The following ABCA6 variants were observed in gnomAD, a reference collection of about 807,000 sequenced individuals.
ABCA6 encodes the protein ATP-binding cassette sub-family A member 6.
In ABCA6, 164 loss-of-function variants were observed where a neutral mutation model predicts 191.2. The observed-to-expected ratio is 0.86, with a 90% confidence interval of 0.76 to 0.98. The LOEUF (loss-of-function observed/expected upper bound fraction) is 0.98, where lower values mean the gene tolerates loss of function less well. ABCA6 is among the 50% of genes least tolerant of loss of function. The probability of loss-of-function intolerance (pLI) is 0.00; values close to 1 mark genes in which losing one functional copy is unlikely to be tolerated. For synonymous variants in ABCA6, 636 were observed against 647.7 expected (o/e 0.98, Z 0.27); for missense variants, 1,958 against 1,894.1 (o/e 1.03, Z -0.63).
chr17:69,130,370 C>T (rs1376657863), intron 6 of ABCA6, among the ~76,000 whole-genome samples: 1 of 151,640 alleles, frequency 6.6e-6, no homozygotes, highest in Non-Finnish European at 1.5e-5. Flanking sequence ...CACAGCTGGG[C>T]CATTGTGCCT....
intron 7 of ABCA6, 24 bp from the exon 8 acceptor site, chr17:69,128,828 G>A: frequency 6.5e-7 from 1 of 1,532,090 alleles, no homozygotes; most frequent in Non-Finnish European, 8.8e-7. Context: ...AAGACATTCA[G>A]CTGTTATAAA....
chr17:69,138,018 G>A (rs1265017157), intron 2 of ABCA6, among the ~76,000 whole-genome samples: 1 of 152,162 alleles, frequency 6.6e-6, no homozygotes, highest in Non-Finnish European at 1.5e-5. Context: ...GAAATTAAGT[G>A]GAACCGAATG....
chr17:69,110,648 A>G, intron 17 of ABCA6, 153 bp downstream of exon 17: 1 of 834,792 alleles, frequency 1.2e-6, no homozygotes, highest in Non-Finnish European at 1.8e-6. Context: ...TACCCAATAA[A>G]TCAGTGGCAC....
intron 22 of ABCA6, chr17:69,099,803 A>G (rs1351380127): frequency 6.5e-6 from 1 of 152,898 alleles, no homozygotes; most frequent in African/African-American, 2.4e-5. Flanking sequence ...GAACATCTCA[A>G]GTACTGTATA....
chr17:69,109,857 A>G (rs2073386429), intron 17 of ABCA6: 1 of 152,170 alleles, frequency 6.6e-6, no homozygotes, highest in Non-Finnish European at 1.5e-5. Flanking sequence ...GATGCTGGCA[A>G]TTTGGATATG....
At position 69,090,181 on chromosome 17, in the gene ABCA6, T is replaced by A. The variant is rs116971073; in HGVS notation, c.3529-639A>T. Among the ~76,000 whole-genome samples, 1,202 of 152,326 alleles carry A rather than the reference T, an allele frequency of 7.9e-3. 8 individuals are homozygous for A. The highest frequency in any genetic ancestry group is 0.013 in the Non-Finnish European group (857 of 68,016). Reference sequence around the variant, plus strand: ...TCAGGCATTGCTCAGCCAATGGAGATGTATTTTTGCAAATGGAAGGCTTTT... The same window carrying A: ...TCAGGCATTGCTCAGCCAATGGAGAAGTATTTTTGCAAATGGAAGGCTTTT... On this transcript the variant is annotated intron_variant, in intron 26 of 38. Transcript: ENST00000284425.
At chr17:69,081,031 C>T in intron 37 of ABCA6, 35 bp downstream of exon 37, 2 of 1,312,948 alleles carry the variant, frequency 1.5e-6, no homozygotes, top group Non-Finnish European at 2.1e-6. Flanking sequence ...TTAGTTGATT[C>T]TTCAAAAGAT....
chr17:69,115,031 A>G, intron 12 of ABCA6, 94 bp from the exon 13 acceptor site: 2 of 949,456 alleles, frequency 2.1e-6, no homozygotes, highest in Non-Finnish European at 3.1e-6. Flanking sequence ...TATGTTCACA[A>G]ATGTCTAAAA....
At chr17:69,098,077 CAAAT>C (rs1284968975) in intron 22 of ABCA6, 50 bp from the exon 23 acceptor site, 1 of 1,353,212 alleles carries the variant, frequency 7.4e-7, no homozygotes, top group Non-Finnish European at 1.0e-6. Context: ...TTAAATGAAA[CAAAT>C]AATTATAGCC....
intron 22 of ABCA6, 22 bp from the exon 23 acceptor site, chr17:69,098,049 T>A (rs745342501): frequency 4.7e-6 from 7 of 1,489,514 alleles, no homozygotes; most frequent in Non-Finnish European, 5.5e-6. Context: ...AAGGGTAGCT[T>A]AAACTAGTGA....
chr17:69,106,767 T>A (rs974183139), intron 18 of ABCA6, among the ~76,000 whole-genome samples: 19 of 152,122 alleles, frequency 1.2e-4, no homozygotes, highest in African/African-American at 4.6e-4. Flanking sequence ...ATTAAAATTT[T>A]AAATAAAACA....
rs527439517 is a variant in ABCA6 at position 69,087,204 on chromosome 17, T to C, written c.3819+149A>G. 33 of 939,820 alleles carry C rather than the reference T, an allele frequency of 3.5e-5. No homozygotes were observed. The South Asian group carries it at 4.3e-4, about 12-fold the overall frequency. 58.2% of individuals were successfully genotyped at this position (939,820 alleles called of 1,614,324 possible). A position where few individuals can be genotyped will look rare whatever the true frequency, so the allele number is the denominator to read the frequency against. ...CTGAATAAGCGGAGTGCCTTGATTATGCAGATACTTCTTTGGAGTGTCCTG... is the reference window on the plus strand; with the variant it reads ...CTGAATAAGCGGAGTGCCTTGATTACGCAGATACTTCTTTGGAGTGTCCTG... On this transcript the variant is annotated intron_variant, in intron 29 of 38. Coordinates refer to ENST00000284425, the MANE Select transcript of ABCA6 (RefSeq NM_080284.3).
At chr17:69,118,454 T>C (rs143428446) in intron 10 of ABCA6, among the ~76,000 whole-genome samples, 1 of 152,196 alleles carries the variant, frequency 6.6e-6, no homozygotes, top group Non-Finnish European at 1.5e-5. Context: ...TACAAAATTC[T>C]CAAAATAAAC....
intron 13 of ABCA6, 114 bp downstream of exon 13, chr17:69,114,648 T>G: frequency 9.3e-7 from 1 of 1,069,802 alleles, no homozygotes; most frequent in East Asian, 2.6e-5. Context: ...ATGGGACCTC[T>G]TTGCCTAAAT....
intron 9 of ABCA6, 116 bp downstream of exon 9, chr17:69,124,769 CTTA>C (rs1166644340): frequency 1.9e-6 from 1 of 536,276 alleles, no homozygotes; most frequent in African/African-American, 2.0e-5. Context: ...AAATAATGAA[CTTA>C]TTAGTTTGAA....
chr17:69,107,963 G>T, intron 17 of ABCA6, 151 bp from the exon 18 acceptor site: 1 of 564,194 alleles, frequency 1.8e-6, no homozygotes, highest in East Asian at 3.3e-5. Flanking sequence ...AATTTCATGA[G>T]AATGCTCTCC....
chr17:69,110,575 C>T (rs1263323169), intron 17 of ABCA6: 2 of 434,968 alleles, frequency 4.6e-6, no homozygotes, highest in East Asian at 8.9e-5. Flanking sequence ...TTCAGACTTC[C>T]CTGGCTGCCT....
In ABCA6 at chr17:69,107,828, A is replaced by G. The variant is rs1483652991; in HGVS notation, c.2273-16T>C. ...CTGAAAAGATCTAAGGCAAAAAAAT[A>G]TGAATAGATACTTTGGAAAACCACA... On this transcript the variant is annotated splice_polypyrimidine_tract_variant and intron_variant, in intron 17 of 38. Coordinates refer to ENST00000284425, the MANE Select transcript of ABCA6 (RefSeq NM_080284.3). The G allele has an allele frequency of 1.6e-5, 24 of 1,461,394 alleles. No homozygotes were observed. Among genetic ancestry groups the G allele is most frequent in the Non-Finnish European group, 2.0e-5 (21 of 1,047,554 alleles). The allele number at this position is 1,461,394 out of a possible 1,614,324, so 90.5% of individuals were successfully genotyped here. A position where few individuals can be genotyped will look rare whatever the true frequency, so the allele number is the denominator to read the frequency against.
At chr17:69,134,844 AGT>A in intron 4 of ABCA6, 102 bp from the exon 5 acceptor site, 1 of 724,620 alleles carries the variant, frequency 1.4e-6, no homozygotes, top group Non-Finnish European at 2.3e-6. Context: ...AGACTCTACC[AGT>A]AAACTTTTTT....
Sources: allele counts gnomAD v4.1 joint callset (sites outside exome capture counted in the v4.1 genomes callset), GRCh38; gene constraint gnomAD v4.1.1; transcripts MANE v1.5; gene names NCBI Gene and HGNC (gene_info 2026-07-23, HGNC 2026-07-21).